The following TBC1D16 variants were observed in gnomAD, a reference collection of about 807,000 sequenced individuals.
The protein encoded by TBC1D16 is TBC1 domain family member 16.
Under a neutral mutation model 74.7 loss-of-function variants are expected in TBC1D16, and 58 were observed. The ratio of observed to expected loss-of-function variants is 0.78; its 90% CI spans 0.63 to 0.97. The LOEUF is 0.97. Among genes scored for constraint, TBC1D16 ranks in the 50% least tolerant of loss-of-function variants. The pLI, the probability that TBC1D16 is intolerant of heterozygous loss-of-function variation, is 0.00. For missense variants in TBC1D16, 1,014 were observed against 1,079.5 expected, an observed-to-expected ratio of 0.94 and a Z score of 0.85; for synonymous variants, 493 against 474.7, an observed-to-expected ratio of 1.04 and a Z score of -0.50.
intron 3 of TBC1D16, among the ~76,000 whole-genome samples, chr17:79,960,478 G>A (rs1368155184): frequency 1.3e-5 from 2 of 152,060 alleles, no homozygotes; most frequent in African/African-American, 4.8e-5. Context: ...ATGAGGCCAC[G>A]AGCAAGGCAG....
At position 79,942,103 on chromosome 17, in the gene TBC1D16, C is replaced by A; in HGVS notation, c.2012G>T (p.Gly671Val). The change falls in exon 11 of 12, where the codon GGA becomes GTA. Residue 671 changes from glycine (G) to valine (V), a missense_variant. Coordinates refer to ENST00000310924, the MANE Select transcript of TBC1D16 (RefSeq NM_019020.4). ...CCCGTTCATGTGCATGGCCAGGTTTCCGAAGTGCAGGAGCATCTGGTCCGT... is the reference window on the plus strand; with the variant it reads ...CCCGTTCATGTGCATGGCCAGGTTTACGAAGTGCAGGAGCATCTGGTCCGT... ...LATDQMLLHF[G>V]NLAMHMNGEL... 1 of 1,612,382 alleles carries A rather than the reference C, an allele frequency of 6.2e-7. No individual in the cohort carries two copies. The highest frequency in any genetic ancestry group is 8.5e-7 in the Non-Finnish European group (1 of 1,179,728).
At chr17:79,998,219 C>T (rs1031138237) in intron 3 of TBC1D16, among the ~76,000 whole-genome samples, 1 of 149,996 alleles carries the variant, frequency 6.7e-6, no homozygotes, top group African/African-American at 2.4e-5. Context: ...TTATCTTTTT[C>T]TCCTCTTGAG....
At chr17:79,997,895 A>T (rs2035334388) in intron 3 of TBC1D16, among the ~76,000 whole-genome samples, 1 of 152,070 alleles carries the variant, frequency 6.6e-6, no homozygotes, top group African/African-American at 2.4e-5. Context: ...GAGGCCAAGG[A>T]GGGTGCATCA....
chr17:80,018,375 A>G (rs1306905859), intron 1 of TBC1D16, among the ~76,000 whole-genome samples: 4 of 148,908 alleles, frequency 2.7e-5, no homozygotes, highest in Non-Finnish European at 5.9e-5. Flanking sequence ...TCCGCCTCCC[A>G]GGTTCACGCC....
rs201292710 is a variant in TBC1D16 at position 79,942,227 on chromosome 17, C to T, written c.1909-21G>A. Reference sequence around the variant, plus strand: ...TCCGTCTGTGGAGGCGGGTAGAGTTCAGACACGGGCTCTGACCGAGCCCCA... The same window carrying T: ...TCCGTCTGTGGAGGCGGGTAGAGTTTAGACACGGGCTCTGACCGAGCCCCA... On this transcript the variant is annotated intron_variant, in intron 10 of 11. Coordinates refer to ENST00000310924, the MANE Select transcript of TBC1D16 (RefSeq NM_019020.4). The T allele has an allele frequency of 1.1e-3, 1,795 of 1,570,258 alleles. 26 individuals are homozygous for T. Among genetic ancestry groups the T allele is most frequent in the Non-Finnish European group, 1.8e-4 (214 of 1,156,984 alleles).
At chr17:80,030,360 C>A (rs879655527) in intron 1 of TBC1D16, among the ~76,000 whole-genome samples, 15 of 152,210 alleles carry the variant, frequency 9.9e-5, no homozygotes, top group Admixed American at 9.8e-4. Context: ...GAGAGGAGCA[C>A]GCCTGGGCCC....
intron 3 of TBC1D16, among the ~76,000 whole-genome samples, chr17:79,963,031 C>A (rs2033684907): frequency 7.0e-6 from 1 of 142,066 alleles, no homozygotes; most frequent in Admixed American, 7.2e-5. Context: ...GCCTGGGCAA[C>A]AAGAGCAAAA....
intron 3 of TBC1D16, among the ~76,000 whole-genome samples, chr17:79,989,079 T>C (rs960107298): frequency 1.3e-5 from 2 of 151,938 alleles, no homozygotes; most frequent in African/African-American, 4.8e-5. Context: ...AAACACAAAC[T>C]CCCAAACACC....
At chr17:79,968,511 GA>G (rs1227671688) in intron 3 of TBC1D16, among the ~76,000 whole-genome samples, 3 of 151,878 alleles carry the variant, frequency 2.0e-5, no homozygotes, top group African/African-American at 7.3e-5. Flanking sequence ...ATCAACCAAA[GA>G]AAAAAATAGA....
rs1445081231 is a variant in TBC1D16 at position 79,994,968 on chromosome 17, C to G, written c.779+15192G>C. Among the ~76,000 whole-genome samples the G allele has an allele frequency of 6.6e-6, 1 of 152,144 alleles. No homozygotes were observed. The highest frequency in any genetic ancestry group is 1.5e-5 in the Non-Finnish European group (1 of 68,026). ...CTGGGTAATTTACAAAAATTTTCAC[C>G]TTTTTGTTTGTTTTCTTTTTGTTTT... On this transcript the variant is annotated intron_variant, in intron 3 of 11. Transcript: ENST00000310924. This position sits in a 1 kb window ranked among gnomAD's most constrained non-coding sequence, Gnocchi z 4.6.
rs1198581764 is a variant in TBC1D16 at position 80,022,020 on chromosome 17, A to G, written c.-62-8411T>C. ...ATACGGAGGTTTAAAACTTTTATGT[A>G]AATTGATGGTAACTTTTTCTTAGTA... On this transcript the variant is annotated intron_variant, in intron 1 of 11. Transcript: ENST00000310924. Among the ~76,000 whole-genome samples the G allele has an allele frequency of 2.0e-5, 3 of 149,676 alleles. 1 individual carries two copies. The highest frequency in any genetic ancestry group is 5.1e-5 in the African/African-American group (2 of 39,176).
Position 79,990,518 on chromosome 17 carries a change from G to A in TBC1D16, c.779+19642C>T, listed in dbSNP as rs954975303. Among the ~76,000 whole-genome samples the A allele has an allele frequency of 1.3e-5, 2 of 152,226 alleles. No individual in the cohort carries two copies. The highest frequency in any genetic ancestry group is 4.8e-5 in the African/African-American group (2 of 41,450). Reference sequence around the variant, plus strand: ...GCAGTTCTCAAAAGGATGGGAAAACGTGCACCAGTCTCACAGTCCCAGTCA... The same window carrying A: ...GCAGTTCTCAAAAGGATGGGAAAACATGCACCAGTCTCACAGTCCCAGTCA... On this transcript the variant is annotated intron_variant, in intron 3 of 11. Coordinates refer to ENST00000310924, the MANE Select transcript of TBC1D16 (RefSeq NM_019020.4). The surrounding 1 kb of genome is among the most constrained non-coding windows in gnomAD (Gnocchi z 4.8).
Position 79,941,458 on chromosome 17 carries a change from ACC to A in TBC1D16, c.2056-353_2056-352del, listed in dbSNP as rs1346989284. On this transcript the variant is annotated intron_variant, in intron 11 of 11. Coordinates refer to ENST00000310924, the MANE Select transcript of TBC1D16 (RefSeq NM_019020.4). This position sits in a 1 kb window ranked among gnomAD's most constrained non-coding sequence, Gnocchi z 4.3. ...CAAGCCCACCTGTCCCTTTGGCAGC[ACC>A]CCTCTCTTCTTCCCCCGCACCTTGC... Among the ~76,000 whole-genome samples the A allele has an allele frequency of 1.4e-5, 2 of 147,838 alleles. No individual in the cohort carries two copies. Among genetic ancestry groups the A allele is most frequent in the South Asian group, 4.5e-4 (2 of 4,456 alleles).
intron 9 of TBC1D16, among the ~76,000 whole-genome samples, chr17:79,946,531 A>T (rs1306920741): frequency 6.6e-6 from 1 of 151,926 alleles, no homozygotes; most frequent in Non-Finnish European, 1.5e-5. Flanking sequence ...GGGCTGGGGA[A>T]CCCCGTTCTA....
chr17:79,943,111 C>G (rs1178077044), intron 10 of TBC1D16, among the ~76,000 whole-genome samples: 2 of 152,244 alleles, frequency 1.3e-5, no homozygotes, highest in Non-Finnish European at 2.9e-5. Context: ...CCGGCCCAGG[C>G]TGAGCGGAGC....
chr17:79,949,105 G>A (rs987661656), intron 7 of TBC1D16, 99 bp from the exon 8 acceptor site: 26 of 1,531,410 alleles, frequency 1.7e-5, no homozygotes, highest in Non-Finnish European at 2.2e-5. Context: ...CCCAACCCCC[G>A]TTCCCTGGAC....
chr17:80,015,147 C>T (rs923828016), intron 1 of TBC1D16, among the ~76,000 whole-genome samples: 1 of 152,176 alleles, frequency 6.6e-6, no homozygotes, highest in African/African-American at 2.4e-5. Flanking sequence ...GAGGCAGGCA[C>T]AGCTGGGCAC....
intron 1 of TBC1D16, among the ~76,000 whole-genome samples, chr17:80,017,845 C>G (rs1056459630): frequency 2.6e-5 from 4 of 152,192 alleles, no homozygotes; most frequent in Non-Finnish European, 5.9e-5. Context: ...AACCAGCTCT[C>G]TGCCAACCTC....
Position 79,979,598 on chromosome 17 carries a change from C to T in TBC1D16, c.780-26780G>A, listed in dbSNP as rs1326972304. On this transcript the variant is annotated intron_variant, in intron 3 of 11. Transcript: ENST00000310924. This position sits in a 1 kb window ranked among gnomAD's most constrained non-coding sequence, Gnocchi z 4.8. ...ACAGAAAGACGCTCACGGTTCCTGT[C>T]GCAGGTCCAGGTTATTCGGTGCCAT... Among the ~76,000 whole-genome samples the T allele has an allele frequency of 2.0e-5, 3 of 152,028 alleles. No individual in the cohort carries two copies. Among genetic ancestry groups the T allele is most frequent in the African/African-American group, 7.2e-5 (3 of 41,386 alleles).
Sources: allele counts gnomAD v4.1 joint callset (sites outside exome capture counted in the v4.1 genomes callset), GRCh38; gene constraint gnomAD v4.1.1; non-coding constraint Gnocchi (gnomAD v3.1); transcripts MANE v1.5; gene names NCBI Gene and HGNC (gene_info 2026-07-23, HGNC 2026-07-21).